Variants in GLIS3 observed in about 807,000 individuals in gnomAD.
The protein encoded by GLIS3 is GLIS family zinc finger 3.
In GLIS3, 53 loss-of-function variants were observed where a neutral mutation model predicts 78.6. The ratio of observed to expected loss-of-function variants is 0.67; its 90% CI spans 0.54 to 0.85. GLIS3 has a LOEUF of 0.85. Among genes scored for constraint, GLIS3 ranks in the 40% least tolerant of loss-of-function variants. The probability of loss-of-function intolerance (pLI) is 0.00; values close to 1 mark genes in which losing one functional copy is unlikely to be tolerated. For synonymous variants in GLIS3, 684 were observed against 509.9 expected, an observed-to-expected ratio of 1.34 and a Z score of -4.60; for missense variants, 1,703 against 1,231.1, an observed-to-expected ratio of 1.38 and a Z score of -5.74.
chr9:4,114,835 A>C (rs1055655512), intron 4 of GLIS3, among the ~76,000 whole-genome samples: 1 of 152,098 alleles, frequency 6.6e-6, no homozygotes, highest in Non-Finnish European at 1.5e-5. Context: ...ACAAGGGTGG[A>C]GTTGTCGGGG....
intron 2 of GLIS3, among the ~76,000 whole-genome samples, chr9:4,276,323 GGAGGGGAGGA>G (rs1386811780): frequency 1.6e-5 from 2 of 126,010 alleles, no homozygotes; most frequent in Non-Finnish European, 3.4e-5. Flanking sequence ...GGAGGGGAGG[GGAGGGGAGGA>G]GAGGGAAGGA....
intron 2 of GLIS3, among the ~76,000 whole-genome samples, chr9:4,320,401 C>G (rs1587383995): frequency 6.6e-6 from 1 of 152,184 alleles, no homozygotes; most frequent in Admixed American, 6.5e-5. Context: ...ATGCCTCAAA[C>G]TGAACTCTTA....
intron 6 of GLIS3, among the ~76,000 whole-genome samples, chr9:3,920,000 GTTTTT>G (rs35461429): frequency 6.3e-5 from 5 of 79,608 alleles, no homozygotes; most frequent in African/African-American, 1.7e-4. Flanking sequence ...TGCTATTACA[GTTTTT>G]TTTTTTTTTT....
the GLIS3 span, among the ~76,000 whole-genome samples, chr9:4,366,457 G>T: frequency 6.6e-6 from 1 of 152,160 alleles, no homozygotes; most frequent in Non-Finnish European, 1.5e-5. Flanking sequence ...GGCTTGACTA[G>T]ATTTTTCCCG....
At chr9:4,065,275 C>G (rs1364750366) in intron 4 of GLIS3, among the ~76,000 whole-genome samples, 2 of 151,938 alleles carry the variant, frequency 1.3e-5, no homozygotes, top group African/African-American at 4.8e-5. Context: ...GCAACACAGC[C>G]CAAGGCAGAA....
chr9:4,460,881 A>C, the GLIS3 span, among the ~76,000 whole-genome samples: 1 of 151,998 alleles, frequency 6.6e-6, no homozygotes, highest in South Asian at 2.1e-4. Flanking sequence ...GAGCCCAATT[A>C]CTCCTTGGCT....
At chr9:3,841,913 T>C (rs1014630137) in intron 9 of GLIS3, among the ~76,000 whole-genome samples, 11 of 152,244 alleles carry the variant, frequency 7.2e-5, no homozygotes, top group African/African-American at 2.7e-4. Context: ...CCCATGGTTC[T>C]ATCAGTCATT....
At chr9:3,876,876 A>G (rs1821353508) in intron 8 of GLIS3, among the ~76,000 whole-genome samples, 1 of 151,796 alleles carries the variant, frequency 6.6e-6, no homozygotes, top group African/African-American at 2.4e-5. Context: ...AAGCAGCAGG[A>G]GCAGCTAAGG....
At chr9:3,867,764 T>A (rs1321340079) in intron 8 of GLIS3, among the ~76,000 whole-genome samples, 2 of 152,010 alleles carry the variant, frequency 1.3e-5, no homozygotes, top group Non-Finnish European at 1.5e-5. Context: ...TGAGTGCATG[T>A]GTGTATGCGT....
At chr9:3,942,586 T>C (rs972382063) in intron 4 of GLIS3, among the ~76,000 whole-genome samples, 2 of 152,206 alleles carry the variant, frequency 1.3e-5, no homozygotes, top group African/African-American at 4.8e-5. Context: ...AGGGCCACCT[T>C]ACACACTTGA....
chr9:4,231,001 G>C (rs1293067005), intron 2 of GLIS3, among the ~76,000 whole-genome samples: 4 of 152,182 alleles, frequency 2.6e-5, no homozygotes, highest in Non-Finnish European at 4.4e-5. Flanking sequence ...GAGCCCAGGA[G>C]TTTGAGGCTG....
intron 2 of GLIS3, among the ~76,000 whole-genome samples, chr9:4,262,933 CAAAAA>C (rs34292499): frequency 2.0e-5 from 2 of 97,878 alleles, no homozygotes; most frequent in African/African-American, 3.8e-5. Context: ...GTGTTTGCCT[CAAAAA>C]AAAAAAAAAA....
the GLIS3 span, among the ~76,000 whole-genome samples, chr9:4,372,530 C>G: frequency 7.0e-6 from 1 of 143,842 alleles, no homozygotes; most frequent in African/African-American, 2.6e-5. Flanking sequence ...GGAGGCAATA[C>G]TCCTCTGCAC....
intron 4 of GLIS3, among the ~76,000 whole-genome samples, chr9:4,060,620 G>C (rs1826567728): frequency 6.6e-6 from 1 of 152,092 alleles, no homozygotes; most frequent in African/African-American, 2.4e-5. Flanking sequence ...AGTTCGTTCA[G>C]ACCCGTTGCC....
At chr9:3,891,082 G>A (rs10814767) in intron 7 of GLIS3, among the ~76,000 whole-genome samples, 118,225 of 138,366 alleles carry the variant, frequency 0.85, 49,123 homozygotes, top group Admixed American at 0.88. Flanking sequence ...AAAAAAAAAA[G>A]AAGAAGAAGA....
intron 4 of GLIS3, among the ~76,000 whole-genome samples, chr9:3,964,690 G>A (rs1817797759): frequency 6.6e-6 from 1 of 152,166 alleles, no homozygotes; most frequent in African/African-American, 2.4e-5. Flanking sequence ...GTAAGACACA[G>A]GGACAGAATT....
At chr9:3,962,509 T>C (rs951538989) in intron 4 of GLIS3, among the ~76,000 whole-genome samples, 7 of 152,226 alleles carry the variant, frequency 4.6e-5, no homozygotes, top group Admixed American at 4.6e-4. Flanking sequence ...ACTGTAAGTG[T>C]ACATCTGGCA....
At chr9:4,005,158 G>A (rs1821442464) in intron 4 of GLIS3, among the ~76,000 whole-genome samples, 1 of 152,184 alleles carries the variant, frequency 6.6e-6, no homozygotes, top group Non-Finnish European at 1.5e-5. Flanking sequence ...AAAATGTCTT[G>A]AAATAACTGT....
intron 4 of GLIS3, among the ~76,000 whole-genome samples, chr9:4,007,863 A>G (rs1023916150): frequency 2.7e-5 from 3 of 109,608 alleles, no homozygotes; most frequent in African/African-American, 1.1e-4. Context: ...ACCTCCAAAT[A>G]CCCATGGCAG....
Sources: gnomAD v4.1 joint callset for allele counts (sites outside exome capture counted in the v4.1 genomes callset) on GRCh38, gnomAD v4.1.1 for gene constraint, MANE v1.5 for transcripts, NCBI Gene and HGNC (gene_info 2026-07-23, HGNC 2026-07-21) for gene names.